The following CA10 variants were observed in gnomAD, a reference collection of about 807,000 sequenced individuals.
CA10 encodes the protein carbonic anhydrase 10 (inactive).
A neutral mutation model predicts 44.2 loss-of-function variants in CA10; 14 were observed. The ratio of observed to expected loss-of-function variants is 0.32; its 90% CI spans 0.21 to 0.50. CA10 has a LOEUF of 0.50. CA10 is among the 20% of genes least tolerant of loss of function. The probability of loss-of-function intolerance (pLI) is 0.99; values close to 1 mark genes in which losing one functional copy is unlikely to be tolerated. For synonymous variants in CA10, 159 were observed against 141.6 expected (o/e 1.12, Z -0.87); for missense variants, 350 against 409.7 (o/e 0.85, Z 1.26).
chr17:52,070,405 T>C (rs1987649807), intron 2 of CA10: 1 of 152,134 alleles, frequency 6.6e-6, no homozygotes, highest in Non-Finnish European at 1.5e-5. Context: ...CATACACACA[T>C]TACCTCCATT....
At chr17:52,046,405 G>C (rs1196637289) in intron 2 of CA10, among the ~76,000 whole-genome samples, 1 of 151,518 alleles carries the variant, frequency 6.6e-6, no homozygotes, top group African/African-American at 2.4e-5. Flanking sequence ...AGATTCTACA[G>C]ACACCGAAAG....
intron 2 of CA10, among the ~76,000 whole-genome samples, chr17:51,935,167 C>T (rs1982816382): frequency 6.6e-6 from 1 of 152,156 alleles, no homozygotes; most frequent in African/African-American, 2.4e-5. Flanking sequence ...ACCCGTGTCA[C>T]CTTTTGGAGC....
At chr17:51,963,870 G>A (rs1983983623) in intron 2 of CA10, among the ~76,000 whole-genome samples, 1 of 151,958 alleles carries the variant, frequency 6.6e-6, no homozygotes, top group Non-Finnish European at 1.5e-5. Context: ...AAACTATAAA[G>A]CAACCAGCAA....
chr17:52,101,818 TTAAACA>T (rs1402970044), intron 1 of CA10, among the ~76,000 whole-genome samples: 1 of 152,116 alleles, frequency 6.6e-6, no homozygotes, highest in Non-Finnish European at 1.5e-5. Flanking sequence ...TAAAATCAAC[TTAAACA>T]TATATAGCAT....
chr17:51,710,677 C>G (rs1287507815), intron 4 of CA10, among the ~76,000 whole-genome samples: 1 of 152,052 alleles, frequency 6.6e-6, no homozygotes, highest in Non-Finnish European at 1.5e-5. Context: ...TGCAAAACAT[C>G]CCCCGACTGA....
At chr17:51,700,918 G>A (rs1489187337) in intron 4 of CA10, among the ~76,000 whole-genome samples, 4 of 152,048 alleles carry the variant, frequency 2.6e-5, no homozygotes, top group Non-Finnish European at 4.4e-5. Context: ...GGCCTATGGG[G>A]GTAGGAGTGG....
At chr17:51,878,099 G>A (rs1240717097) in intron 3 of CA10, among the ~76,000 whole-genome samples, 4 of 124,802 alleles carry the variant, frequency 3.2e-5, no homozygotes, top group East Asian at 2.4e-4. Flanking sequence ...AGCCAAGATC[G>A]CACCACTGCA....
intron 1 of CA10, among the ~76,000 whole-genome samples, chr17:52,092,011 C>T (rs916696615): frequency 2.6e-5 from 4 of 152,138 alleles, no homozygotes; most frequent in African/African-American, 9.7e-5. Flanking sequence ...TTCTACATAC[C>T]GATATATCTT....
intron 1 of CA10, among the ~76,000 whole-genome samples, chr17:52,086,117 G>A (rs916826797): frequency 6.6e-6 from 1 of 152,070 alleles, no homozygotes; most frequent in Admixed American, 6.5e-5. Flanking sequence ...TCTTTATTTT[G>A]GAGTGGTTTA....
At chr17:51,842,743 A>G (rs887676378) in intron 3 of CA10, among the ~76,000 whole-genome samples, 9 of 152,096 alleles carry the variant, frequency 5.9e-5, no homozygotes, top group South Asian at 2.1e-4. Flanking sequence ...AGTCATATCA[A>G]TGAAAATGGC....
chr17:51,983,906 C>A (rs1245137584), intron 2 of CA10, among the ~76,000 whole-genome samples: 3 of 151,642 alleles, frequency 2.0e-5, no homozygotes, highest in Non-Finnish European at 1.5e-5. Flanking sequence ...GGTGAAAGAC[C>A]TTTTCAACTA....
At chr17:51,647,225 C>T (rs1913376958) in intron 6 of CA10, among the ~76,000 whole-genome samples, 1 of 152,212 alleles carries the variant, frequency 6.6e-6, no homozygotes, top group Non-Finnish European at 1.5e-5. Flanking sequence ...CCCGTCACAG[C>T]TCCTGAAAGA....
At chr17:51,703,636 T>G (rs1383590346) in intron 4 of CA10, among the ~76,000 whole-genome samples, 1 of 152,194 alleles carries the variant, frequency 6.6e-6, no homozygotes, top group East Asian at 1.9e-4. Flanking sequence ...TCATCAGCAT[T>G]CCATTCAGGG....
chr17:51,978,292 C>T (rs1480442080), intron 2 of CA10, among the ~76,000 whole-genome samples: 1 of 151,788 alleles, frequency 6.6e-6, no homozygotes, highest in Non-Finnish European at 1.5e-5. Context: ...GAGGTATTCA[C>T]ATTAATATAA....
At chr17:51,889,276 C>T (rs950788933) in intron 3 of CA10, among the ~76,000 whole-genome samples, 1 of 152,140 alleles carries the variant, frequency 6.6e-6, no homozygotes, top group Non-Finnish European at 1.5e-5. Context: ...CATCCTAACA[C>T]TTTGGGAGGC....
At chr17:52,123,327 ATGTGTG>A (rs36182455) in intron 1 of CA10, among the ~76,000 whole-genome samples, 14 of 147,112 alleles carry the variant, frequency 9.5e-5, no homozygotes, top group South Asian at 2.2e-4. Flanking sequence ...TTACATATAT[ATGTGTG>A]TGTGTGTGTG....
chr17:51,749,986 A>C (rs2143611731), intron 3 of CA10, among the ~76,000 whole-genome samples: 1 of 152,316 alleles, frequency 6.6e-6, no homozygotes, highest in African/African-American at 2.4e-5. Context: ...ATCCATGCCA[A>C]TGACTTCACT....
chr17:51,636,113 T>A, intron 6 of CA10, 104 bp from the exon 7 acceptor site: 1 of 579,090 alleles, frequency 1.7e-6, no homozygotes, highest in Non-Finnish European at 2.8e-6. Flanking sequence ...TATACATACA[T>A]ATATACACAC....
chr17:52,112,203 A>C (rs975735286), intron 1 of CA10, among the ~76,000 whole-genome samples: 3 of 152,084 alleles, frequency 2.0e-5, no homozygotes, highest in South Asian at 4.2e-4. Flanking sequence ...AAAAAAAAAA[A>C]CTCACAATTT....
Sources: allele counts gnomAD v4.1 joint callset (sites outside exome capture counted in the v4.1 genomes callset), GRCh38; gene constraint gnomAD v4.1.1; transcripts MANE v1.5; gene names NCBI Gene and HGNC (gene_info 2026-07-23, HGNC 2026-07-21).